The following RBFOX1 variants were observed in gnomAD, a reference collection of about 807,000 sequenced individuals.
The protein encoded by RBFOX1 is RNA binding protein fox-1 homolog 1.
RBFOX1 carries 8 observed loss-of-function variants against 57.7 expected under a neutral mutation model. The observed-to-expected ratio is 0.14, with a 90% CI of 0.08 to 0.25. RBFOX1 has a LOEUF of 0.25. RBFOX1 is among the 10% of genes least tolerant of loss of function. RBFOX1 has a pLI of 1.00. For synonymous variants in RBFOX1, 326 were observed against 222.4 expected, an observed-to-expected ratio of 1.47 and a Z score of -4.15; for missense variants, 611 against 548.5, an observed-to-expected ratio of 1.11 and a Z score of -1.14.
At chr16:7,043,247 G>A (rs1204025093) in intron 3 of RBFOX1, among the ~76,000 whole-genome samples, 1 of 152,080 alleles carries the variant, frequency 6.6e-6, no homozygotes, top group East Asian at 1.9e-4. Context: ...TCTCCTTTGA[G>A]CACCCCTGGA....
intron 8 of RBFOX1, among the ~76,000 whole-genome samples, chr16:7,596,100 T>TTTG (rs1555647614): frequency 1.1e-4 from 15 of 131,280 alleles, no homozygotes; most frequent in Non-Finnish European, 1.8e-4. Context: ...GTTTGTTTTT[T>TTTG]TTTGTTTGTT....
At chr16:5,424,617 A>G (rs968624731) in intron 1 of RBFOX1, among the ~76,000 whole-genome samples, 1 of 151,794 alleles carries the variant, frequency 6.6e-6, no homozygotes, top group East Asian at 1.9e-4. Context: ...GCAAACCACC[A>G]TGGCACACGT....
At chr16:6,094,766 T>C (rs2096223673) in intron 1 of RBFOX1, among the ~76,000 whole-genome samples, 1 of 152,174 alleles carries the variant, frequency 6.6e-6, no homozygotes, top group Admixed American at 6.5e-5. Context: ...TTAAATTAAA[T>C]TATACCTATA....
chr16:6,618,958 C>T (rs2098184086), intron 2 of RBFOX1, among the ~76,000 whole-genome samples: 1 of 152,112 alleles, frequency 6.6e-6, no homozygotes, highest in African/African-American at 2.4e-5. Flanking sequence ...ACAGAGAATG[C>T]AAAAGGGTTA....
At position 6,269,861 on chromosome 16, in the gene RBFOX1, T is replaced by C. The variant is rs148038619; in HGVS notation, c.-126-47134T>C. On this transcript the variant is annotated intron_variant, in intron 1 of 15. Transcript: ENST00000550418. ...CTCTGGTGTTTTCAAAATTATGCTT[T>C]ATCTTTAAGCAAAAATTATAATACC... is the stretch of plus-strand genomic sequence containing the variant. Among the ~76,000 whole-genome samples, 25 of 152,314 alleles carry C rather than the reference T, an allele frequency of 1.6e-4. No homozygotes were observed. The East Asian group carries it at 4.6e-3, about 28-fold the overall frequency.
chr16:5,893,043 A>G (rs2058083050), intron 4 of RBFOX1, among the ~76,000 whole-genome samples: 1 of 152,218 alleles, frequency 6.6e-6, no homozygotes, highest in Non-Finnish European at 1.5e-5. Flanking sequence ...GCTTTCAGTG[A>G]CCCAACCCAG....
chr16:6,755,442 T>C (rs1038838656), intron 3 of RBFOX1, among the ~76,000 whole-genome samples: 5 of 152,242 alleles, frequency 3.3e-5, no homozygotes, highest in African/African-American at 1.2e-4. Flanking sequence ...TTTGCATTTC[T>C]CTGATGGCCA....
At chr16:7,152,029 G>T (rs2152292181) in intron 4 of RBFOX1, among the ~76,000 whole-genome samples, 1 of 152,288 alleles carries the variant, frequency 6.6e-6, no homozygotes, top group Admixed American at 6.5e-5. Context: ...GCCATCGCCT[G>T]AGGTTTATGG....
intron 4 of RBFOX1, among the ~76,000 whole-genome samples, chr16:5,880,522 G>T (rs2057736842): frequency 6.6e-6 from 1 of 152,166 alleles, no homozygotes. Flanking sequence ...TAATCCTATG[G>T]AAGATTTGGG....
chr16:5,492,106 C>T lies in RBFOX1; in HGVS notation c.258+24852C>T, dbSNP rs528680363. 3.9e-5 allele frequency among the ~76,000 whole-genome samples: 6 copies of T among 152,298 alleles called. No individual in the cohort carries two copies. In the South Asian group the frequency reaches 1.2e-3, roughly 32 times the overall value. On this transcript the variant is annotated intron_variant, in intron 2 of 2. Coordinates refer to the RBFOX1 transcript ENST00000585867. ...TGTCCTAGACCTACTGAGTCAGAAA[C>T]ACCAGGGCTGAGGCCTGGGAATCTG...
intron 3 of RBFOX1, among the ~76,000 whole-genome samples, chr16:6,905,426 T>G (rs1021389570): frequency 3.3e-5 from 5 of 151,560 alleles, no homozygotes; most frequent in Non-Finnish European, 7.4e-5. Context: ...GGTGGCACAC[T>G]CCTATAATCC....
chr16:6,216,411 A>G (rs1366933613), intron 1 of RBFOX1, among the ~76,000 whole-genome samples: 1 of 152,170 alleles, frequency 6.6e-6, no homozygotes, highest in Non-Finnish European at 1.5e-5. Context: ...CTGAAAGAAC[A>G]GATTCTAGTT....
chr16:6,911,824 T>G (rs2071691344), intron 3 of RBFOX1, among the ~76,000 whole-genome samples: 1 of 152,226 alleles, frequency 6.6e-6, no homozygotes, highest in African/African-American at 2.4e-5. Context: ...TAAATGAATT[T>G]ACTTTTTAAA....
intron 4 of RBFOX1, among the ~76,000 whole-genome samples, chr16:5,977,773 G>A (rs1197895706): frequency 6.6e-6 from 1 of 152,058 alleles, no homozygotes; most frequent in East Asian, 1.9e-4. Flanking sequence ...CTAGCCCACT[G>A]TCCCGATCTG....
chr16:6,469,163 C>G (rs187287701), intron 2 of RBFOX1, among the ~76,000 whole-genome samples: 27 of 151,984 alleles, frequency 1.8e-4, no homozygotes, highest in African/African-American at 6.3e-4. Flanking sequence ...TTGAAGAGAT[C>G]CTGGTAGAAA....
rs1567133450 is a variant in RBFOX1, at chr16:5,908,095, T to TATAC, written c.351+40761_351+40762insTACA. On this transcript the variant is annotated intron_variant, in intron 4 of 19. Coordinates refer to the RBFOX1 transcript ENST00000641259. ...GTATATATATATATATACACATATA[T>TATAC]ACACATATATATATACACATATATA... is the stretch of plus-strand genomic sequence containing the variant. Among the ~76,000 whole-genome samples the TATAC allele has an allele frequency of 2.1e-5, 3 of 139,888 alleles. No homozygotes were observed. In the South Asian group the frequency reaches 6.4e-4, roughly 30 times the overall value. The allele number at this position is 139,888 out of a possible 152,430, so 91.8% of individuals were successfully genotyped here.
chr16:7,211,797 A>G (rs2091194611), intron 4 of RBFOX1, among the ~76,000 whole-genome samples: 2 of 152,112 alleles, frequency 1.3e-5, no homozygotes, highest in Admixed American at 6.5e-5. Context: ...GGTTGCTATG[A>G]GCTTTCACAT....
chr16:5,246,792 T>A (rs1306419434), intron 1 of RBFOX1, among the ~76,000 whole-genome samples: 3 of 151,990 alleles, frequency 2.0e-5, no homozygotes, highest in Non-Finnish European at 4.4e-5. Context: ...CACCTCAGCC[T>A]CCTGAGTATC....
intron 3 of RBFOX1, among the ~76,000 whole-genome samples, chr16:5,840,495 C>G (rs1037632347): frequency 6.6e-6 from 1 of 152,198 alleles, no homozygotes; most frequent in Non-Finnish European, 1.5e-5. Context: ...CTCTACACCT[C>G]TCCTGTGCCT....
Sources: gnomAD v4.1 joint callset for allele counts (sites outside exome capture counted in the v4.1 genomes callset) on GRCh38, gnomAD v4.1.1 for gene constraint, MANE v1.5 for transcripts, NCBI Gene and HGNC (gene_info 2026-07-23, HGNC 2026-07-21) for gene names.